Variants in EXOC4 observed in about 807,000 individuals in gnomAD.
The protein encoded by EXOC4 is exocyst complex component 4.
Under a neutral mutation model 107.2 loss-of-function variants are expected in EXOC4, and 71 were observed. The ratio of observed to expected loss-of-function variants is 0.66; its 90% CI spans 0.55 to 0.81. EXOC4 has a LOEUF of 0.81. Among genes scored for constraint, EXOC4 ranks in the 30% least tolerant of loss-of-function variants. EXOC4 has a pLI of 0.00. For synonymous variants in EXOC4, 456 were observed against 441.2 expected (o/e 1.03, Z -0.42); for missense variants, 1,108 against 1,189.6 (o/e 0.93, Z 1.01).
chr7:133,443,003 T>C (rs1798137904), intron 7 of EXOC4, among the ~76,000 whole-genome samples: 1 of 152,214 alleles, frequency 6.6e-6, no homozygotes, highest in Non-Finnish European at 1.5e-5. Context: ...CAATGTAATC[T>C]ACAATACAAA....
chr7:133,363,266 T>C (rs1452074568), intron 6 of EXOC4, among the ~76,000 whole-genome samples: 1 of 152,194 alleles, frequency 6.6e-6, no homozygotes, highest in African/African-American at 2.4e-5. Flanking sequence ...TTAACTGAAA[T>C]ATTTTTAGAA....
intron 10 of EXOC4, among the ~76,000 whole-genome samples, chr7:133,652,764 A>C (rs1450037014): frequency 1.3e-5 from 2 of 152,198 alleles, no homozygotes; most frequent in East Asian, 3.8e-4. Flanking sequence ...ATGAATTTCA[A>C]CTGTTTCTAC....
intron 5 of EXOC4, among the ~76,000 whole-genome samples, chr7:133,333,153 A>G (rs1206003689): frequency 1.3e-5 from 2 of 152,042 alleles, no homozygotes; most frequent in Admixed American, 1.3e-4. Flanking sequence ...TGTCTTCTTC[A>G]TGTATTTCTA....
intron 17 of EXOC4, among the ~76,000 whole-genome samples, chr7:134,025,071 G>C (rs544753400): frequency 8.5e-5 from 13 of 152,204 alleles, no homozygotes; most frequent in Admixed American, 5.2e-4. Context: ...CAGCCTTCCT[G>C]GCTCATCTTG....
At chr7:133,611,605 C>T (rs1370902847) in intron 9 of EXOC4, among the ~76,000 whole-genome samples, 1 of 152,114 alleles carries the variant, frequency 6.6e-6, no homozygotes, top group East Asian at 1.9e-4. Context: ...CTTCTACACT[C>T]AACTTTTTTC....
intron 12 of EXOC4, among the ~76,000 whole-genome samples, chr7:133,908,543 G>T (rs561796777): frequency 6.6e-6 from 1 of 152,290 alleles, no homozygotes; most frequent in African/African-American, 2.4e-5. Context: ...TTCATTTCAG[G>T]TTCTACCTTG....
chr7:133,662,461 G>A (rs2151048020), intron 10 of EXOC4, among the ~76,000 whole-genome samples: 1 of 152,222 alleles, frequency 6.6e-6, no homozygotes, highest in South Asian at 2.1e-4. Context: ...TAGGGACTTT[G>A]ACAAGAACAG....
intron 14 of EXOC4, among the ~76,000 whole-genome samples, chr7:133,988,328 A>G (rs998811326): frequency 6.6e-6 from 1 of 152,148 alleles, no homozygotes; most frequent in African/African-American, 2.4e-5. Context: ...TACTCAGAAA[A>G]CTAAGGAGAA....
In EXOC4 at chr7:133,727,205, A is replaced by G. The variant is rs140339174; in HGVS notation, c.1515-90120A>G. ...GTGAATGTCAAGCTAGTGTTAACAG[A>G]TAGCTATTGCCAGCATAAGAATATT... On this transcript the variant is annotated intron_variant, in intron 10 of 17. Transcript: ENST00000253861. Among the ~76,000 whole-genome samples, 362 of 152,370 alleles carry G rather than the reference A, an allele frequency of 2.4e-3. 5 individuals carry two copies. Among genetic ancestry groups the G allele is most frequent in the African/African-American group, 8.1e-3 (338 of 41,588 alleles).
chr7:133,552,683 C>G (rs564720692), intron 9 of EXOC4, among the ~76,000 whole-genome samples: 2 of 152,130 alleles, frequency 1.3e-5, no homozygotes, highest in South Asian at 4.2e-4. Context: ...TAGAAATGAT[C>G]ATACATGTAT....
intron 17 of EXOC4, among the ~76,000 whole-genome samples, chr7:134,029,119 T>C (rs1450333228): frequency 6.6e-6 from 1 of 152,226 alleles, no homozygotes; most frequent in Non-Finnish European, 1.5e-5. Context: ...ATCCTTCTTA[T>C]GCAGAGGGAT....
chr7:133,483,055 T>C (rs541630182), intron 9 of EXOC4, among the ~76,000 whole-genome samples: 108 of 152,346 alleles, frequency 7.1e-4, no homozygotes, highest in African/African-American at 2.6e-3. Flanking sequence ...CATACTGCAT[T>C]GTGGAACAAT....
At position 133,368,474 on chromosome 7, in the gene EXOC4, C is replaced by T. The variant is rs554822389; in HGVS notation, c.1008-6354C>T. ...TATCTATTATCTCCTTTCCTTCCCT[C>T]TAGATGGTAAATGTTAAAGATACAG... is the stretch of plus-strand genomic sequence containing the variant. On this transcript the variant is annotated intron_variant, in intron 6 of 17. Coordinates refer to ENST00000253861, the MANE Select transcript of EXOC4 (RefSeq NM_021807.4). Among the ~76,000 whole-genome samples the T allele has an allele frequency of 1.6e-3, 236 of 152,232 alleles. 10 individuals carry two copies. The South Asian group carries it at 0.044, about 29-fold the overall frequency.
rs527556833 is a variant in EXOC4, at chr7:133,689,836, G to C, written c.1514+59695G>C. Among the ~76,000 whole-genome samples the C allele has an allele frequency of 2.0e-5, 3 of 152,300 alleles. No individual in the cohort carries two copies. The East Asian group carries it at 5.8e-4, about 29-fold the overall frequency. On this transcript the variant is annotated intron_variant, in intron 10 of 17. Coordinates refer to ENST00000253861, the MANE Select transcript of EXOC4 (RefSeq NM_021807.4). ...AGAAGACAAAATTACAACAAATTTA[G>C]CTTAAAGATCTTAATTGACCTTTAT...
At chr7:133,440,459 T>C (rs747258094) in intron 7 of EXOC4, among the ~76,000 whole-genome samples, 1 of 151,982 alleles carries the variant, frequency 6.6e-6, no homozygotes, top group East Asian at 1.9e-4. Context: ...ATGATGTGAC[T>C]GGAAATGTCA....
intron 17 of EXOC4, among the ~76,000 whole-genome samples, chr7:134,056,537 A>G (rs1297362379): frequency 6.6e-6 from 1 of 152,250 alleles, no homozygotes; most frequent in Non-Finnish European, 1.5e-5. Context: ...GGAGTTGAGC[A>G]GACTTCTTAA....
At chr7:133,857,775 C>G (rs1454983779) in intron 11 of EXOC4, among the ~76,000 whole-genome samples, 3 of 152,070 alleles carry the variant, frequency 2.0e-5, no homozygotes, top group Non-Finnish European at 4.4e-5. Flanking sequence ...TCTGAAAACT[C>G]GGAGATGCCA....
chr7:133,539,337 T>C (rs1800337050), intron 9 of EXOC4, among the ~76,000 whole-genome samples: 1 of 152,128 alleles, frequency 6.6e-6, no homozygotes, highest in African/African-American at 2.4e-5. Context: ...TTTTATTGTC[T>C]GACAAAAATG....
At chr7:133,722,951 A>G (rs1018368267) in intron 10 of EXOC4, among the ~76,000 whole-genome samples, 40 of 152,250 alleles carry the variant, frequency 2.6e-4, no homozygotes, top group Non-Finnish European at 2.1e-4. Flanking sequence ...TTCTTAGGTC[A>G]GTGATCATCA....
Sources: allele counts gnomAD v4.1 joint callset (sites outside exome capture counted in the v4.1 genomes callset), GRCh38; gene constraint gnomAD v4.1.1; transcripts MANE v1.5; gene names NCBI Gene and HGNC (gene_info 2026-07-23, HGNC 2026-07-21).